The following LRRD1 variants were observed in gnomAD, a reference collection of about 807,000 sequenced individuals.
LRRD1 encodes leucine rich repeats and death domain containing 1.
Under a neutral mutation model 69.5 loss-of-function variants are expected in LRRD1, and 49 were observed. That is an observed-to-expected ratio of 0.70 (90% CI 0.56 to 0.89). The LOEUF (loss-of-function observed/expected upper bound fraction) is 0.89, where lower values mean the gene tolerates loss of function less well. LRRD1 is among the 40% of genes least tolerant of loss of function. The pLI is 0.00. For synonymous variants in LRRD1, 303 were observed against 338.9 expected (o/e 0.89, Z 1.16); for missense variants, 853 against 956.0 (o/e 0.89, Z 1.42).
chr7:92,145,439 C>CTTTTTT (rs745661467), intron 5 of LRRD1, among the ~76,000 whole-genome samples: 1 of 129,446 alleles, frequency 7.7e-6, no homozygotes, highest in African/African-American at 2.8e-5. Context: ...ATACTATATG[C>CTTTTTT]TTTTTTTTTT....
At chr7:92,153,262 A>G (rs1788565348) in intron 3 of LRRD1, among the ~76,000 whole-genome samples, 2 of 150,870 alleles carry the variant, frequency 1.3e-5, no homozygotes, top group South Asian at 4.2e-4. Flanking sequence ...ATGGGGTTTC[A>G]CTATGTTGGC....
At chr7:92,166,643 A>C (rs1297535334) in intron 1 of LRRD1, among the ~76,000 whole-genome samples, 1 of 152,254 alleles carries the variant, frequency 6.6e-6, no homozygotes. Flanking sequence ...AACAATAGAA[A>C]ACTAATGTAA....
At chr7:92,173,240 T>C (rs1290309457) in intron 1 of LRRD1, among the ~76,000 whole-genome samples, 1 of 152,218 alleles carries the variant, frequency 6.6e-6, no homozygotes, top group Non-Finnish European at 1.5e-5. Context: ...GCTATGTAAC[T>C]ACTAGAAGAA....
intron 3 of LRRD1, among the ~76,000 whole-genome samples, chr7:92,153,704 C>T (rs1229378505): frequency 1.3e-5 from 2 of 149,948 alleles, no homozygotes; most frequent in African/African-American, 2.4e-5. Context: ...TGGTGGCAGG[C>T]GCCTGTAATC....
At chr7:92,169,992 C>T (rs1789013271) in intron 1 of LRRD1, among the ~76,000 whole-genome samples, 1 of 151,382 alleles carries the variant, frequency 6.6e-6, no homozygotes, top group Non-Finnish European at 1.5e-5. Context: ...ATCACTTGAG[C>T]CCAGGAGGTT....
chr7:92,175,898 C>G (rs1378120350), intron 1 of LRRD1, among the ~76,000 whole-genome samples: 1 of 152,204 alleles, frequency 6.6e-6, no homozygotes, highest in Admixed American at 6.5e-5. Context: ...ATTCTTCAAT[C>G]ATAGTTCATA....
chr7:92,142,937 G>A (rs1041280677), downstream of LRRD1: 1 of 296,000 alleles, frequency 3.4e-6, no homozygotes, highest in Non-Finnish European at 6.7e-6. Context: ...AGTGTGGAAG[G>A]GGACCGGAAC....
intron 3 of LRRD1, among the ~76,000 whole-genome samples, chr7:92,151,358 A>C (rs1403502628): frequency 6.6e-6 from 1 of 152,184 alleles, no homozygotes; most frequent in African/African-American, 2.4e-5. Context: ...ATATGTTCTC[A>C]TTATTAGACT....
chr7:92,143,351 A>G (rs951651040), downstream of LRRD1, among the ~76,000 whole-genome samples: 1 of 152,102 alleles, frequency 6.6e-6, no homozygotes, highest in African/African-American at 2.4e-5. Flanking sequence ...CTGCCTGTCA[A>G]TCCCGCACCG....
chr7:92,167,734 G>A lies in LRRD1; in HGVS notation c.-74-2458C>T, dbSNP rs183509144. On this transcript the variant is annotated intron_variant, in intron 1 of 5. Transcript: ENST00000458448. ...CTACTAAAAATACAGAAAATTAGCCGGGCATAGTGGCGGGTGCCTGTAGTC... is the reference window on the plus strand; with the variant it reads ...CTACTAAAAATACAGAAAATTAGCCAGGCATAGTGGCGGGTGCCTGTAGTC... 1.8e-3 allele frequency among the ~76,000 whole-genome samples: 277 copies of A among 151,254 alleles called. 2 individuals are homozygous for A. Among genetic ancestry groups the A allele is most frequent in the African/African-American group, 6.2e-3 (257 of 41,240 alleles).
intron 4 of LRRD1, among the ~76,000 whole-genome samples, chr7:92,148,722 T>C (rs1419102395): frequency 6.6e-6 from 1 of 152,178 alleles, no homozygotes; most frequent in Non-Finnish European, 1.5e-5. Flanking sequence ...CGAAAATCTT[T>C]ATTCTATAGA....
rs923207853 is a variant in LRRD1, at chr7:92,164,707, C to T, written c.496G>A (p.Val166Ile). ...FPKDILKIKY[V>I]KYLYLDKNQI... ...TTCTTGTCTAAATATAGATATTTTA[C>T]ATATTTGATTTTTAAAATGTCCTTA... is the stretch of plus-strand genomic sequence containing the variant. The change falls in exon 2 of 6, where the codon GTA becomes ATA. Residue 166 changes from valine to isoleucine, a missense_variant. Val to Ile is a conservative substitution (Grantham distance 29). Coordinates refer to ENST00000458448, the MANE Select transcript of LRRD1 (RefSeq NM_001161528.2). The T allele has an allele frequency of 1.0e-5, 16 of 1,550,258 alleles. No individual in the cohort carries two copies. The highest frequency in any genetic ancestry group is 1.1e-5 in the Non-Finnish European group (13 of 1,146,268).
chr7:92,157,056 G>T (rs1788674611), intron 3 of LRRD1, among the ~76,000 whole-genome samples: 1 of 131,684 alleles, frequency 7.6e-6, no homozygotes, highest in South Asian at 2.4e-4. Flanking sequence ...TTTGAGATGA[G>T]GTCTTGTTTT....
chr7:92,145,097 T>G, intron 5 of LRRD1, 23 bp from the exon 6 acceptor site: 2 of 1,178,132 alleles, frequency 1.7e-6, no homozygotes, highest in Non-Finnish European at 1.1e-6. Flanking sequence ...ATTAATAATA[T>G]TAATAGTTAA....
chr7:92,159,298 T>A, intron 2 of LRRD1, 95 bp from the exon 3 acceptor site: 1 of 901,868 alleles, frequency 1.1e-6, no homozygotes, highest in Non-Finnish European at 1.6e-6. Flanking sequence ...GTTTTGTCTG[T>A]TTTTGTTTTT....
Position 92,164,086 on chromosome 7 carries a change from C to T in LRRD1, c.1117G>A (p.Glu373Lys). 6.5e-7 allele frequency: 1 copy of T among 1,548,172 alleles called. No homozygotes were observed. The highest frequency in any genetic ancestry group is 8.7e-7 in the Non-Finnish European group (1 of 1,145,454). The change falls in exon 2 of 6, where the codon GAA becomes AAA. Residue 373 changes from glutamate (E) to lysine (K), a missense_variant. Coordinates refer to ENST00000458448, the MANE Select transcript of LRRD1 (RefSeq NM_001161528.2). ...VISHKIENFR[E>K]LRILILDKNL... ...TTATCAAGTATAAGAATCCTAAGTT[C>T]CCTGAAATTCTCAATTTTGTGTGAA...
downstream of LRRD1, chr7:92,142,594 G>A (rs893162890): frequency 1.3e-5 from 6 of 449,316 alleles, no homozygotes; most frequent in Admixed American, 2.4e-5. Context: ...GTATGAAGCC[G>A]ACCCTCACGG....
At chr7:92,142,741 G>A (rs1446279964), downstream of LRRD1, 1 of 438,332 alleles carries the variant, frequency 2.3e-6, no homozygotes, top group Non-Finnish European at 4.5e-6. Context: ...CGCAGTGAGT[G>A]TTACAGCTCT....
chr7:92,168,055 C>T (rs978114239), intron 1 of LRRD1, among the ~76,000 whole-genome samples: 44 of 151,964 alleles, frequency 2.9e-4, no homozygotes, highest in African/African-American at 9.9e-4. Context: ...AACAAATATA[C>T]AGGGCCACGA....
Sources: gnomAD v4.1 joint callset for allele counts (sites outside exome capture counted in the v4.1 genomes callset) on GRCh38, gnomAD v4.1.1 for gene constraint, MANE v1.5 for transcripts, NCBI Gene and HGNC (gene_info 2026-07-23, HGNC 2026-07-21) for gene names.